The following PTPRK variants were observed in gnomAD, a reference collection of about 807,000 sequenced individuals.
The protein encoded by PTPRK is protein tyrosine phosphatase receptor type K.
PTPRK carries 75 observed loss-of-function variants against 178.0 expected under a neutral mutation model. That is an observed-to-expected ratio of 0.42 (90% CI 0.35 to 0.51). PTPRK has a LOEUF of 0.51. Ranked by LOEUF, PTPRK falls within the 20% of genes least tolerant of loss-of-function variation. The pLI, the probability that PTPRK is intolerant of heterozygous loss-of-function variation, is 0.02. For missense variants in PTPRK, 1,441 were observed against 1,797.8 expected (o/e 0.80, Z 3.59); for synonymous variants, 637 against 620.6 (o/e 1.03, Z -0.39).
intron 6 of PTPRK, among the ~76,000 whole-genome samples, chr6:128,209,049 T>C (rs1330983760): frequency 6.6e-6 from 1 of 152,098 alleles, no homozygotes; most frequent in Admixed American, 6.6e-5. Flanking sequence ...GCCTAATCTC[T>C]CATCCTTGAC....
chr6:128,006,355 T>G (rs1477976458), intron 14 of PTPRK, among the ~76,000 whole-genome samples: 1 of 151,024 alleles, frequency 6.6e-6, no homozygotes, highest in African/African-American at 2.4e-5. Context: ...ATTGTGTATT[T>G]TCAACATGCA....
Position 128,463,085 on chromosome 6 carries a change from TA to T in PTPRK, c.100+57173del, listed in dbSNP as rs528145903. ...ATTAATTGGGTTATCAAGGGGACTA[TA>T]AAAAAGGAACAATAAATGCCTGTCC... is the stretch of plus-strand genomic sequence containing the variant. On this transcript the variant is annotated intron_variant, in intron 1 of 29. Transcript: ENST00000368226. Among the ~76,000 whole-genome samples the T allele has an allele frequency of 2.3e-4, 35 of 152,186 alleles. 1 individual carries two copies. In the East Asian group the frequency reaches 6.6e-3, roughly 29 times the overall value.
intron 1 of PTPRK, among the ~76,000 whole-genome samples, chr6:128,438,147 T>C (rs957530596): frequency 6.6e-5 from 10 of 152,206 alleles, no homozygotes; most frequent in East Asian, 3.8e-4. Context: ...TGTGCATACA[T>C]TGGGGCTGAT....
At chr6:128,307,896 A>G (rs1826669720) in intron 3 of PTPRK, among the ~76,000 whole-genome samples, 1 of 126,254 alleles carries the variant, frequency 7.9e-6, no homozygotes, top group African/African-American at 3.3e-5. Context: ...GCTTAGAGTC[A>G]ACAAGTTGAA....
At chr6:128,391,562 T>C (rs1183750819) in intron 2 of PTPRK, among the ~76,000 whole-genome samples, 1 of 152,210 alleles carries the variant, frequency 6.6e-6, no homozygotes, top group African/African-American at 2.4e-5. Flanking sequence ...CAAATAATTC[T>C]GTTAATTCAG....
chr6:127,974,817 CT>C (rs1378648582), intron 27 of PTPRK, among the ~76,000 whole-genome samples: 9 of 152,128 alleles, frequency 5.9e-5, no homozygotes, highest in Non-Finnish European at 1.3e-4. Context: ...ACACGGAAAT[CT>C]TTTTTTCCTA....
chr6:128,088,914 C>T (rs1224482155), intron 8 of PTPRK, among the ~76,000 whole-genome samples: 3 of 152,150 alleles, frequency 2.0e-5, no homozygotes, highest in Non-Finnish European at 2.9e-5. Context: ...TTTAGACTCA[C>T]ATAAAACCAT....
intron 5 of PTPRK, among the ~76,000 whole-genome samples, chr6:128,225,309 C>T (rs1357109007): frequency 6.6e-6 from 1 of 151,974 alleles, no homozygotes; most frequent in African/African-American, 2.4e-5. Flanking sequence ...CAGAAAGAGC[C>T]TATTTTCTTA....
chr6:128,206,795 T>C (rs1009401551), intron 6 of PTPRK, among the ~76,000 whole-genome samples: 1 of 152,142 alleles, frequency 6.6e-6, no homozygotes, highest in African/African-American at 2.4e-5. Flanking sequence ...CAATTATCTA[T>C]TTCATTTTCA....
intron 2 of PTPRK, among the ~76,000 whole-genome samples, chr6:128,338,655 TG>T (rs1399767797): frequency 2.2e-5 from 2 of 90,696 alleles, no homozygotes; most frequent in African/African-American, 4.0e-5. Flanking sequence ...TTGCTGCCCC[TG>T]GAAGTCTATG....
At chr6:128,425,269 G>T (rs966623402) in intron 1 of PTPRK, among the ~76,000 whole-genome samples, 1 of 151,832 alleles carries the variant, frequency 6.6e-6, no homozygotes, top group African/African-American at 2.4e-5. Flanking sequence ...AGTAGAGTTG[G>T]GGTTTCACCA....
rs763110343 is a variant in PTPRK at position 128,113,488 on chromosome 6, T to A, written c.1163-23496A>T. Among the ~76,000 whole-genome samples the A allele has an allele frequency of 7.0e-4, 106 of 151,418 alleles. 1 individual carries two copies. The highest frequency in any genetic ancestry group is 1.2e-3 in the Non-Finnish European group (80 of 67,790). Reference sequence around the variant, plus strand: ...TGGGTTGAAAATATTTGGAAAAAAATTAAAAAATACAAATAAAAATACAGT... The same window carrying A: ...TGGGTTGAAAATATTTGGAAAAAAAATAAAAAATACAAATAAAAATACAGT... On this transcript the variant is annotated intron_variant, in intron 7 of 29. Transcript: ENST00000368226.
At chr6:128,511,837 T>C (rs1292096041) in intron 1 of PTPRK, among the ~76,000 whole-genome samples, 1 of 152,130 alleles carries the variant, frequency 6.6e-6, no homozygotes, top group East Asian at 1.9e-4. Flanking sequence ...AGGCCTTAGT[T>C]TGTAAAATGG....
intron 6 of PTPRK, among the ~76,000 whole-genome samples, chr6:128,218,653 A>G (rs1809805996): frequency 6.6e-6 from 1 of 152,248 alleles, no homozygotes. Flanking sequence ...ACAATGTGGA[A>G]TAAGGTATTT....
intron 2 of PTPRK, among the ~76,000 whole-genome samples, chr6:128,348,558 G>A (rs908010984): frequency 4.6e-4 from 68 of 147,262 alleles, no homozygotes; most frequent in African/African-American, 1.6e-3. Context: ...AAAATTTTCT[G>A]TAAGAATGAC....
intron 3 of PTPRK, among the ~76,000 whole-genome samples, chr6:128,310,192 A>C (rs955167838): frequency 6.6e-6 from 1 of 152,200 alleles, no homozygotes. Flanking sequence ...GTCACTCCAT[A>C]AGATAGCTGA....
chr6:127,995,562 T>C lies in PTPRK; in HGVS notation c.2768-24A>G, dbSNP rs1443080555. ...ATCTAAAATTTTAAAATAATAAATA[T>C]AAGCTGTTAAATTTTCCCCCTGTTC... On this transcript the variant is annotated intron_variant, in intron 17 of 29. Transcript: ENST00000368226. The C allele has an allele frequency of 1.4e-5, 20 of 1,427,344 alleles. No individual in the cohort carries two copies. The East Asian group carries it at 2.1e-4, about 15-fold the overall frequency. 88.4% of individuals were successfully genotyped at this position (1,427,344 alleles called of 1,614,324 possible). A position where few individuals can be genotyped will look rare whatever the true frequency, so the allele number is the denominator to read the frequency against.
At chr6:128,046,433 G>C (rs968689988) in intron 13 of PTPRK, among the ~76,000 whole-genome samples, 4 of 151,984 alleles carry the variant, frequency 2.6e-5, no homozygotes, top group Non-Finnish European at 5.9e-5. Context: ...GCTTTCCCCA[G>C]GCTAATTCCA....
Position 128,152,643 on chromosome 6 carries a change from G to A in PTPRK, c.1162+31789C>T, listed in dbSNP as rs114311685. On this transcript the variant is annotated intron_variant, in intron 7 of 29. Coordinates refer to ENST00000368226, the MANE Select transcript of PTPRK (RefSeq NM_002844.4). ...ATCAAAGGGTCTGAGCAGTGTGTGG[G>A]TGCTCATGGAAACAGAAAAACAAGG... is the stretch of plus-strand genomic sequence containing the variant. 5.8e-3 allele frequency among the ~76,000 whole-genome samples: 875 copies of A among 151,958 alleles called. 6 individuals carry two copies. Among genetic ancestry groups the A allele is most frequent in the African/African-American group, 0.02 (836 of 41,468 alleles).
Sources: gnomAD v4.1 joint callset for allele counts (sites outside exome capture counted in the v4.1 genomes callset) on GRCh38, gnomAD v4.1.1 for gene constraint, MANE v1.5 for transcripts, NCBI Gene and HGNC (gene_info 2026-07-23, HGNC 2026-07-21) for gene names.